PITPNC1: variants seen among roughly 807,000 people sequenced by gnomAD.
PITPNC1 encodes the protein cytoplasmic phosphatidylinositol transfer protein 1.
A neutral mutation model predicts 44.7 loss-of-function variants in PITPNC1; 18 were observed. The observed-to-expected ratio is 0.40, with a 90% confidence interval of 0.28 to 0.60. PITPNC1 has a LOEUF of 0.60. Among genes scored for constraint, PITPNC1 ranks in the 20% least tolerant of loss-of-function variants. The pLI, the probability that PITPNC1 is intolerant of heterozygous loss-of-function variation, is 0.39. For synonymous variants in PITPNC1, 141 were observed against 149.6 expected, an observed-to-expected ratio of 0.94 and a Z score of 0.42; for missense variants, 290 against 418.4, an observed-to-expected ratio of 0.69 and a Z score of 2.68.
chr17:67,425,659 C>G (rs891477662), intron 1 of PITPNC1, among the ~76,000 whole-genome samples: 3 of 151,378 alleles, frequency 2.0e-5, no homozygotes, highest in African/African-American at 7.3e-5. Context: ...GTAGCTGGGA[C>G]CAGAGGCACA....
chr17:67,505,142 C>T (rs538075300), intron 1 of PITPNC1, among the ~76,000 whole-genome samples: 10 of 152,230 alleles, frequency 6.6e-5, no homozygotes, highest in Non-Finnish European at 8.8e-5. Flanking sequence ...GTCTAGTATA[C>T]GGTCTATCCT....
At chr17:67,432,625 C>T (rs1241879345) in intron 1 of PITPNC1, among the ~76,000 whole-genome samples, 1 of 152,118 alleles carries the variant, frequency 6.6e-6, no homozygotes, top group Non-Finnish European at 1.5e-5. Flanking sequence ...ACAGATAAGC[C>T]AAAAAGTCCT....
At chr17:67,521,810 C>A (rs116630461) in intron 1 of PITPNC1, among the ~76,000 whole-genome samples, 2 of 152,206 alleles carry the variant, frequency 1.3e-5, no homozygotes, top group Non-Finnish European at 1.5e-5. Flanking sequence ...TGGAGACGGT[C>A]GACTGTGAAT....
chr17:67,675,486 G>C lies in PITPNC1; in HGVS notation c.626G>C (p.Arg209Pro), dbSNP rs757546900. The stretch of plus-strand genomic sequence containing the variant: ...CCTTCTTTTACTTTTTAGGTGGTCC[G>C]AGACATTCTGCTGATTGGACATAGA... The part of the protein sequence containing the change: ...RVEQFVHKVV[R>P]DILLIGHRQA... Residue 209 changes from arginine to proline, a missense_variant, in exon 8 of 9, where the codon CGA becomes CCA. Transcript: ENST00000581322. 6.2e-7 allele frequency: 1 copy of C among 1,607,754 alleles called. No individual in the cohort carries two copies. Among genetic ancestry groups the C allele is most frequent in the African/African-American group, 1.3e-5 (1 of 74,774 alleles).
At chr17:67,651,140 A>T (rs915869415) in intron 6 of PITPNC1, among the ~76,000 whole-genome samples, 10 of 152,198 alleles carry the variant, frequency 6.6e-5, no homozygotes, top group African/African-American at 2.4e-4. Context: ...GATGCATAGC[A>T]GTTGACCTTT....
chr17:67,665,472 G>T (rs1227713105), intron 6 of PITPNC1, among the ~76,000 whole-genome samples: 1 of 152,122 alleles, frequency 6.6e-6, no homozygotes, highest in East Asian at 1.9e-4. Flanking sequence ...AGGTTAAATG[G>T]TAACCCTATG....
At chr17:67,688,025 C>T (rs1479088244) in intron 8 of PITPNC1, among the ~76,000 whole-genome samples, 1 of 129,450 alleles carries the variant, frequency 7.7e-6, no homozygotes, top group Non-Finnish European at 1.6e-5. Flanking sequence ...CAGAATAATA[C>T]ATAGTAGGTG....
chr17:67,527,495 G>A (rs183310683), intron 1 of PITPNC1, among the ~76,000 whole-genome samples: 12 of 151,522 alleles, frequency 7.9e-5, no homozygotes, highest in African/African-American at 2.2e-4. Context: ...ATGAGGTCAG[G>A]AGTTCGAGAC....
At chr17:67,407,908 T>A (rs1456096440) in intron 1 of PITPNC1, among the ~76,000 whole-genome samples, 1 of 152,196 alleles carries the variant, frequency 6.6e-6, no homozygotes, top group Non-Finnish European at 1.5e-5. Flanking sequence ...GACATGAGTG[T>A]GAAAACCCAA....
chr17:67,593,605 G>T (rs1568056825), intron 5 of PITPNC1, among the ~76,000 whole-genome samples: 1 of 152,176 alleles, frequency 6.6e-6, no homozygotes, highest in African/African-American at 2.4e-5. Flanking sequence ...CACCGTGTTG[G>T]CCAGGCTGGT....
intron 5 of PITPNC1, among the ~76,000 whole-genome samples, chr17:67,579,437 T>C (rs2041196179): frequency 1.3e-5 from 2 of 152,106 alleles, no homozygotes; most frequent in South Asian, 2.1e-4. Flanking sequence ...CCTACCACTC[T>C]GTTCAGGAAC....
chr17:67,499,341 A>G (rs951735962), intron 1 of PITPNC1, among the ~76,000 whole-genome samples: 1 of 152,054 alleles, frequency 6.6e-6, no homozygotes, highest in Non-Finnish European at 1.5e-5. Context: ...TAGCCTCCTG[A>G]GTAGGTGGGA....
intron 5 of PITPNC1, among the ~76,000 whole-genome samples, chr17:67,587,796 C>T (rs1277708295): frequency 6.6e-6 from 1 of 152,170 alleles, no homozygotes; most frequent in African/African-American, 2.4e-5. Flanking sequence ...AATTTCTCCC[C>T]CTGGGTGCCT....
intron 4 of PITPNC1, among the ~76,000 whole-genome samples, chr17:67,571,535 C>T (rs910841711): frequency 6.6e-6 from 1 of 152,226 alleles, no homozygotes; most frequent in Non-Finnish European, 1.5e-5. Context: ...TTGGCTCAGG[C>T]AACTCACCAG....
At chr17:67,539,846 A>G (rs1426577617) in intron 2 of PITPNC1, among the ~76,000 whole-genome samples, 3 of 152,160 alleles carry the variant, frequency 2.0e-5, no homozygotes, top group Admixed American at 2.0e-4. Context: ...TCAAACAAAC[A>G]AACAAACAAA....
chr17:67,593,078 C>T (rs1174505499), intron 5 of PITPNC1, among the ~76,000 whole-genome samples: 1 of 152,074 alleles, frequency 6.6e-6, no homozygotes, highest in African/African-American at 2.4e-5. Context: ...TACCTCACTC[C>T]ATATTCAAAA....
chr17:67,607,886 G>GC (rs1189281840), intron 5 of PITPNC1, among the ~76,000 whole-genome samples: 1 of 151,888 alleles, frequency 6.6e-6, no homozygotes, highest in Non-Finnish European at 1.5e-5. Flanking sequence ...CCGCCACCAT[G>GC]CCCAGCTAAA....
At position 67,447,089 on chromosome 17, in the gene PITPNC1, CAAAAAAAAA is replaced by C. The variant is rs749024248; in HGVS notation, c.48+68906_48+68914del. ...TGGGCCATAGAGTGAGACTCTGTCT[CAAAAAAAAA>C]AAAAAAAAAAAAAAAAAAGAATGAC... On this transcript the variant is annotated intron_variant, in intron 1 of 8. Transcript: ENST00000581322. 5.2e-3 allele frequency among the ~76,000 whole-genome samples: 185 copies of C among 35,346 alleles called. 1 individual carries two copies. The highest frequency in any genetic ancestry group is 0.017 in the African/African-American group (172 of 9,964). 23.2% of individuals were successfully genotyped at this position (35,346 alleles called of 152,430 possible).
chr17:67,675,977 C>T (rs1257399141), intron 8 of PITPNC1, among the ~76,000 whole-genome samples: 1 of 152,122 alleles, frequency 6.6e-6, no homozygotes, highest in East Asian at 1.9e-4. Flanking sequence ...GAGGCCGAGG[C>T]GGGCAGATCA....
Sources: allele counts gnomAD v4.1 joint callset (sites outside exome capture counted in the v4.1 genomes callset), GRCh38; gene constraint gnomAD v4.1.1; transcripts MANE v1.5; gene names NCBI Gene and HGNC (gene_info 2026-07-23, HGNC 2026-07-21).